The following CCT3 variants were observed in gnomAD, a reference collection of about 807,000 sequenced individuals.
CCT3 encodes T-complex protein 1 subunit gamma.
In CCT3, 10 loss-of-function variants were observed where a neutral mutation model predicts 65.3. The observed-to-expected ratio is 0.15, with a 90% CI of 0.09 to 0.26. The LOEUF is 0.26. CCT3 is among the 10% of genes least tolerant of loss of function. CCT3 has a pLI of 1.00. For missense variants in CCT3, 626 were observed against 708.7 expected, an observed-to-expected ratio of 0.88 and a Z score of 1.33; for synonymous variants, 225 against 242.3, an observed-to-expected ratio of 0.93 and a Z score of 0.66.
At chr1:156,333,091 C>A in intron 5 of CCT3, 1 of 192,654 alleles carries the variant, frequency 5.2e-6, no homozygotes. Flanking sequence ...GTTAAGAGAT[C>A]GAGACCATCT....
chr1:156,333,408 T>C, intron 5 of CCT3, 139 bp downstream of exon 5: 2 of 645,792 alleles, frequency 3.1e-6, no homozygotes, highest in Non-Finnish European at 2.7e-6. Context: ...TATACCCAAC[T>C]GGAGAGAATA....
chr1:156,317,602 A>G (rs1305346423), intron 8 of CCT3, 55 bp from the exon 9 acceptor site: 1 of 1,554,106 alleles, frequency 6.4e-7, no homozygotes, highest in African/African-American at 1.4e-5. Context: ...GTGAAGCTCT[A>G]AGGGTCATAT....
chr1:156,311,208 A>G lies in CCT3; in HGVS notation c.1156-13T>C, dbSNP rs1207707314. 2 of 1,612,612 alleles carry G rather than the reference A, an allele frequency of 1.2e-6. No homozygotes were observed. The highest frequency in any genetic ancestry group is 1.7e-6 in the Non-Finnish European group (2 of 1,179,220). ...TGCGTTCTACTTCCTTGGAGAAGCAAACAGACAGTATGAAGCCAAAGCTTG... is the reference window on the plus strand; with the variant it reads ...TGCGTTCTACTTCCTTGGAGAAGCAGACAGACAGTATGAAGCCAAAGCTTG... On this transcript the variant is annotated splice_polypyrimidine_tract_variant and intron_variant, in intron 11 of 13. Coordinates refer to ENST00000295688, the MANE Select transcript of CCT3 (RefSeq NM_005998.5).
intron 2 of CCT3, 26 bp from the exon 3 acceptor site, chr1:156,334,944 G>C: frequency 6.2e-7 from 1 of 1,608,928 alleles, no homozygotes; most frequent in South Asian, 1.1e-5. Context: ...CATAAAATAC[G>C]CAAGCACAAA....
At chr1:156,310,824 A>G (rs1366853980) in intron 12 of CCT3, 126 bp downstream of exon 12, 16 of 1,454,880 alleles carry the variant, frequency 1.1e-5, no homozygotes, top group Non-Finnish European at 1.4e-5. Context: ...TCAAAGACTA[A>G]AAGGAGAGAA....
Position 156,309,004 on chromosome 1 carries a change from A to G in CCT3, c.*195T>C, listed in dbSNP as rs1663954941. ...AGATTTAATCATCGGAAGCAAACTA[A>G]ATGGAAACCTTACAATAGAGAAGAA... On this transcript the variant is annotated 3_prime_UTR_variant, in exon 14 of 14. Transcript: ENST00000295688. 9 of 492,074 alleles carry G rather than the reference A, an allele frequency of 1.8e-5. No homozygotes were observed. The highest frequency in any genetic ancestry group is 2.9e-5 in the Non-Finnish European group (8 of 277,040). The allele number at this position is 492,074 out of a possible 1,614,324, so 30.5% of individuals were successfully genotyped here. A position where few individuals can be genotyped will look rare whatever the true frequency, so the allele number is the denominator to read the frequency against.
chr1:156,315,050 C>A (rs1387941380), intron 10 of CCT3, among the ~76,000 whole-genome samples: 1 of 151,990 alleles, frequency 6.6e-6, no homozygotes, highest in Non-Finnish European at 1.5e-5. Flanking sequence ...GTGCCTCCTG[C>A]CCATCCTGCC....
rs374977567 is a variant in CCT3, at chr1:156,318,971, A to G, written c.656T>C (p.Met219Thr). 4.3e-6 allele frequency: 7 copies of G among 1,614,102 alleles called. No individual in the cohort carries two copies. The highest frequency in any genetic ancestry group is 4.2e-6 in the Non-Finnish European group (5 of 1,179,996). The part of the protein sequence containing the change: ...IEDSCVLRGV[M>T]INKDVTHPRM... ...TGGATGGGTCACATCCTTGTTAATC[A>G]TGACTCCACGCAAGACACAGGAGTC... Residue 219 changes from methionine (M) to threonine (T), a missense_variant, in exon 8 of 14, where the codon ATG (methionine) becomes ACG (threonine). Transcript: ENST00000295688.
intron 10 of CCT3, among the ~76,000 whole-genome samples, chr1:156,314,616 A>G (rs2101634501): frequency 6.6e-6 from 1 of 152,308 alleles, no homozygotes; most frequent in East Asian, 1.9e-4. Flanking sequence ...CGGGAGGCTG[A>G]GACAGGAGAA....
At chr1:156,318,381 G>A (rs543002364) in intron 8 of CCT3, among the ~76,000 whole-genome samples, 16 of 151,930 alleles carry the variant, frequency 1.1e-4, no homozygotes, top group Admixed American at 2.6e-4. Flanking sequence ...ATGCCACCAC[G>A]CCCAATTAAT....
chr1:156,335,829 T>G lies in CCT3; in HGVS notation c.91A>C (p.Lys31Gln). 3 of 1,613,662 alleles carry G rather than the reference T, an allele frequency of 1.9e-6. No individual in the cohort carries two copies. The highest frequency in any genetic ancestry group is 2.5e-6 in the Non-Finnish European group (3 of 1,179,604). The change falls in exon 2 of 14, where the codon AAG becomes CAG. Residue 31 changes from lysine to glutamine, a missense_variant and splice_region_variant. Transcript: ENST00000295688. ...KVQSGNINAAKTIADIIRTCL... is the reference protein window; with the variant it reads ...KVQSGNINAAQTIADIIRTCL... Reference sequence around the variant, plus strand: ...TAAACACTTAAAAGATTTGTGACCTTGGCAGCATTGATGTTTCCAGATTGA... The same window carrying G: ...TAAACACTTAAAAGATTTGTGACCTGGGCAGCATTGATGTTTCCAGATTGA...
chr1:156,337,407 C>A, intron 1 of CCT3: 1 of 167,874 alleles, frequency 6.0e-6, no homozygotes, highest in Non-Finnish European at 1.3e-5. Context: ...GACTTTGTCT[C>A]AAAATATAAA....
At chr1:156,310,445 G>C in intron 13 of CCT3, 113 bp downstream of exon 13, 1 of 721,692 alleles carries the variant, frequency 1.4e-6, no homozygotes, top group Non-Finnish European at 2.0e-6. Context: ...AGTGAGCCGA[G>C]ATCACACCAC....
intron 1 of CCT3, among the ~76,000 whole-genome samples, chr1:156,336,893 C>T (rs1428276598): frequency 1.3e-5 from 2 of 151,886 alleles, no homozygotes; most frequent in Non-Finnish European, 2.9e-5. Context: ...AGAAAGAAGG[C>T]GGCTTTTTTT....
At chr1:156,334,049 C>T in intron 4 of CCT3, among the ~76,000 whole-genome samples, 1 of 152,072 alleles carries the variant, frequency 6.6e-6, no homozygotes, top group South Asian at 2.1e-4. Flanking sequence ...ACCAGCCTGG[C>T]CAACATGGGG....
intron 2 of CCT3, 84 bp downstream of exon 2, chr1:156,335,743 G>C (rs1370371834): frequency 2.7e-6 from 3 of 1,101,490 alleles, no homozygotes; most frequent in Non-Finnish European, 4.1e-6. Context: ...ATAAAGTCTA[G>C]ATGCACAGGA....
intron 5 of CCT3, among the ~76,000 whole-genome samples, chr1:156,331,351 A>G (rs1665088972): frequency 6.6e-6 from 1 of 152,138 alleles, no homozygotes; most frequent in Non-Finnish European, 1.5e-5. Flanking sequence ...ATTTTGATTA[A>G]GAACTTTATT....
chr1:156,330,631 T>C (rs1665063939), intron 5 of CCT3, among the ~76,000 whole-genome samples: 1 of 151,728 alleles, frequency 6.6e-6, no homozygotes, highest in African/African-American at 2.4e-5. Context: ...CACTGCACTT[T>C]AGCTTGGGCT....
At chr1:156,327,322 G>A (rs546215584) in intron 5 of CCT3, among the ~76,000 whole-genome samples, 4 of 152,036 alleles carry the variant, frequency 2.6e-5, no homozygotes, top group Admixed American at 1.3e-4. Context: ...CTCTTTCCAC[G>A]GTCTCCCTCT....
Sources: allele counts gnomAD v4.1 joint callset (sites outside exome capture counted in the v4.1 genomes callset), GRCh38; gene constraint gnomAD v4.1.1; transcripts MANE v1.5; gene names NCBI Gene and HGNC (gene_info 2026-07-23, HGNC 2026-07-21).